Variants in STRADA observed in about 807,000 individuals in gnomAD.
STRADA encodes STE20-related kinase adapter protein alpha.
In STRADA, 26 loss-of-function variants were observed where a neutral mutation model predicts 55.0. The observed-to-expected ratio is 0.47, with a 90% CI of 0.35 to 0.66. The LOEUF (loss-of-function observed/expected upper bound fraction) is 0.66. Ranked by LOEUF, STRADA falls within the 30% of genes least tolerant of loss-of-function variation. The probability of loss-of-function intolerance (pLI) is 0.01; values close to 1 mark genes in which losing one functional copy is unlikely to be tolerated. For missense variants in STRADA, 443 were observed against 549.7 expected, an observed-to-expected ratio of 0.81 and a Z score of 1.94; for synonymous variants, 197 against 210.9, an observed-to-expected ratio of 0.93 and a Z score of 0.57.
At chr17:63,728,554 C>A (rs922572817) in intron 1 of STRADA, 141 bp from the exon 2 acceptor site, 1 of 526,144 alleles carries the variant, frequency 1.9e-6, no homozygotes, top group South Asian at 2.7e-5. Context: ...TTTAGAGAAA[C>A]TTTAAGTGAT....
Position 63,704,623 on chromosome 17 carries a change from G to GC in STRADA, c.859-42_859-41insG, listed in dbSNP as rs1568171609. On this transcript the variant is annotated intron_variant, in intron 10 of 12. Transcript: ENST00000336174. ...CCAGGACCTGGGCTGTAGCGGGTGGGGGGGGGGGGTGGTCCCTGGAAGGCC... is the reference window on the plus strand; with the variant it reads ...CCAGGACCTGGGCTGTAGCGGGTGGGCGGGGGGGGGTGGTCCCTGGAAGGCC... The GC allele has an allele frequency of 1.3e-5, 15 of 1,121,982 alleles. No individual in the cohort carries two copies. In the South Asian group the frequency reaches 2.0e-4, roughly 15 times the overall value. 69.5% of individuals were successfully genotyped at this position (1,121,982 alleles called of 1,614,324 possible).
At chr17:63,732,235 G>C (rs961785481) in intron 1 of STRADA, among the ~76,000 whole-genome samples, 1 of 151,986 alleles carries the variant, frequency 6.6e-6, no homozygotes, top group East Asian at 1.9e-4. Context: ...AAACTCCTGA[G>C]CTAAGGCAGT....
chr17:63,714,890 A>G (rs117216055), intron 4 of STRADA, among the ~76,000 whole-genome samples: 2,360 of 152,332 alleles, frequency 0.015, 23 homozygotes, highest in Non-Finnish European at 0.024. Flanking sequence ...TTTCAGCTTA[A>G]TGGACTGTTT....
At chr17:63,710,920 G>A (rs1287328529) in intron 6 of STRADA, 84 bp from the exon 7 acceptor site, 3 of 1,240,848 alleles carry the variant, frequency 2.4e-6, no homozygotes, top group African/African-American at 3.0e-5. Context: ...ATGGACAATA[G>A]GGGGACCTGG....
intron 1 of STRADA, among the ~76,000 whole-genome samples, chr17:63,740,144 A>C (rs2038813650): frequency 2.8e-5 from 1 of 36,228 alleles, no homozygotes; most frequent in Non-Finnish European, 5.3e-5. Flanking sequence ...ACATATATAT[A>C]TATACACACA....
At chr17:63,736,860 C>T (rs1277061400) in intron 1 of STRADA, among the ~76,000 whole-genome samples, 2 of 72,140 alleles carry the variant, frequency 2.8e-5, no homozygotes, top group South Asian at 4.3e-4. Context: ...AAAAAAAAAT[C>T]AAGCAGAAAG....
At chr17:63,714,256 A>C (rs1460566499) in intron 4 of STRADA, 148 bp from the exon 5 acceptor site, 2 of 649,238 alleles carry the variant, frequency 3.1e-6, no homozygotes, top group South Asian at 3.0e-5. Flanking sequence ...TTGAAGAGAA[A>C]CAAAACACTA....
intron 3 of STRADA, 136 bp from the exon 4 acceptor site, chr17:63,723,462 T>C: frequency 3.2e-6 from 3 of 924,288 alleles, no homozygotes; most frequent in Non-Finnish European, 5.2e-6. Flanking sequence ...AAAAAGTGCC[T>C]GCGGGGCTAC....
At chr17:63,734,961 C>T (rs1300384056) in intron 1 of STRADA, among the ~76,000 whole-genome samples, 2 of 152,164 alleles carry the variant, frequency 1.3e-5, no homozygotes, top group African/African-American at 4.8e-5. Flanking sequence ...AGTTCAAGAC[C>T]AGCCTGACCA....
chr17:63,703,805 C>T, intron 12 of STRADA, 54 bp from the exon 13 acceptor site: 1 of 1,608,488 alleles, frequency 6.2e-7, no homozygotes, highest in Non-Finnish European at 8.5e-7. Context: ...GGTCCCAGGA[C>T]ACCATGGGGC....
chr17:63,736,414 G>C lies in STRADA; in HGVS notation c.-45+5327C>G, dbSNP rs1204742392. ...AGGCTGAAGCGGGTGGATCATCTGA[G>C]GTCAGGAGTTTGAGACCAGCCTGCC... On this transcript the variant is annotated intron_variant, in intron 1 of 12. Transcript: ENST00000336174. Among the ~76,000 whole-genome samples the C allele has an allele frequency of 2.0e-5, 3 of 151,962 alleles. No individual in the cohort carries two copies. The South Asian group carries it at 6.2e-4, about 32-fold the overall frequency.
intron 1 of STRADA, among the ~76,000 whole-genome samples, chr17:63,728,735 T>TAAA (rs36091754): frequency 7.1e-5 from 8 of 112,410 alleles, no homozygotes; most frequent in Admixed American, 1.9e-4. Context: ...CCCATCTCTA[T>TAAA]AAAAAAAAAA....
intron 4 of STRADA, among the ~76,000 whole-genome samples, chr17:63,714,765 A>C (rs1048463080): frequency 6.6e-6 from 1 of 152,186 alleles, no homozygotes; most frequent in Non-Finnish European, 1.5e-5. Flanking sequence ...GCTGTGAGTG[A>C]AGCTGGAGTC....
intron 4 of STRADA, among the ~76,000 whole-genome samples, chr17:63,720,946 A>G (rs1217750436): frequency 3.3e-5 from 5 of 151,494 alleles, no homozygotes; most frequent in African/African-American, 7.3e-5. Flanking sequence ...AATACAAAAA[A>G]TTAGCTGGGT....
chr17:63,724,711 C>T (rs1348434760), intron 3 of STRADA, among the ~76,000 whole-genome samples: 1 of 151,920 alleles, frequency 6.6e-6, no homozygotes, highest in African/African-American at 2.4e-5. Flanking sequence ...CGTGCCCAGC[C>T]TCATTGTTTA....
chr17:63,730,326 CTTCA>C (rs1402089698), intron 1 of STRADA, among the ~76,000 whole-genome samples: 1 of 151,908 alleles, frequency 6.6e-6, no homozygotes, highest in Non-Finnish European at 1.5e-5. Flanking sequence ...TGGAAGTTGC[CTTCA>C]TAGGGCCCTC....
At chr17:63,736,846 C>A (rs932907658) in intron 1 of STRADA, among the ~76,000 whole-genome samples, 8 of 136,812 alleles carry the variant, frequency 5.8e-5, no homozygotes, top group Non-Finnish European at 1.2e-4. Flanking sequence ...ACGCCCCCCC[C>A]ACCAAAAAAA....
At chr17:63,710,962 C>T (rs1019449994) in intron 6 of STRADA, 126 bp from the exon 7 acceptor site, 1 of 803,726 alleles carries the variant, frequency 1.2e-6, no homozygotes, top group Non-Finnish European at 2.0e-6. Context: ...GTCATGGGAA[C>T]AGCCTAAGCA....
intron 1 of STRADA, among the ~76,000 whole-genome samples, chr17:63,739,101 A>G (rs1332423767): frequency 1.5e-5 from 2 of 137,158 alleles, no homozygotes; most frequent in African/African-American, 2.8e-5. Context: ...AGACCGTGCC[A>G]CTGCACTCCA....
Sources: allele counts gnomAD v4.1 joint callset (sites outside exome capture counted in the v4.1 genomes callset), GRCh38; gene constraint gnomAD v4.1.1; transcripts MANE v1.5; gene names NCBI Gene and HGNC (gene_info 2026-07-23, HGNC 2026-07-21).